FBXO27: variants seen among roughly 807,000 people sequenced by gnomAD.
FBXO27 encodes F-box only protein 27.
Under a neutral mutation model 28.3 loss-of-function variants are expected in FBXO27, and 28 were observed. That is an observed-to-expected ratio of 0.99 (90% CI 0.73 to 1.36). The LOEUF is 1.36. Among genes scored for constraint, FBXO27 ranks in the 40% most tolerant of loss-of-function variants. The probability of loss-of-function intolerance (pLI) is 0.00; values close to 1 mark genes in which losing one functional copy is unlikely to be tolerated. For missense variants in FBXO27, 388 were observed against 394.1 expected, an observed-to-expected ratio of 0.98 and a Z score of 0.13; for synonymous variants, 175 against 167.3, an observed-to-expected ratio of 1.05 and a Z score of -0.36.
chr19:39,029,911 A>T (rs1303544573), intron 4 of FBXO27, among the ~76,000 whole-genome samples: 3 of 151,938 alleles, frequency 2.0e-5, no homozygotes, highest in African/African-American at 7.3e-5. Flanking sequence ...GTGCCATCTC[A>T]GCTCACTGCA....
chr19:39,008,356 G>A lies in FBXO27; in HGVS notation c.252+6031C>T, dbSNP rs1211490940. On this transcript the variant is annotated intron_variant, in intron 2 of 2. Coordinates refer to the FBXO27 transcript ENST00000598394. Reference sequence around the variant, plus strand: ...TGGACTTGAACTCCTGGGCTCAAGCGATCCTTCTGCCTCAGCCTTTTGAGT... The same window carrying A: ...TGGACTTGAACTCCTGGGCTCAAGCAATCCTTCTGCCTCAGCCTTTTGAGT... 5.3e-5 allele frequency among the ~76,000 whole-genome samples: 8 copies of A among 152,058 alleles called. No homozygotes were observed. The East Asian group carries it at 7.8e-4, about 15-fold the overall frequency.
chr19:39,029,006 C>T (rs374750147), intron 4 of FBXO27, among the ~76,000 whole-genome samples: 1 of 145,604 alleles, frequency 6.9e-6, no homozygotes, highest in East Asian at 2.0e-4. Flanking sequence ...CACGCCACTG[C>T]ACTCCAGCCT....
At chr19:39,015,404 G>C (rs2072815265) in intron 1 of FBXO27, among the ~76,000 whole-genome samples, 1 of 151,626 alleles carries the variant, frequency 6.6e-6, no homozygotes, top group Non-Finnish European at 1.5e-5. Context: ...GCCAAGGCGG[G>C]CGGATTGCTT....
intron 4 of FBXO27, chr19:39,030,451 C>T (rs1326801923): frequency 1.3e-5 from 2 of 153,236 alleles, no homozygotes; most frequent in African/African-American, 2.4e-5. Context: ...AGGAGCATCT[C>T]ATTCATTCAC....
At chr19:39,011,761 A>C (rs1600222468) in intron 2 of FBXO27, among the ~76,000 whole-genome samples, 2 of 142,446 alleles carry the variant, frequency 1.4e-5, no homozygotes. Context: ...CAATCCTCCC[A>C]CCTCGCCTCC....
At chr19:39,020,123 G>A (rs2072838475), downstream of FBXO27, among the ~76,000 whole-genome samples, 1 of 152,102 alleles carries the variant, frequency 6.6e-6, no homozygotes, top group South Asian at 2.1e-4. Flanking sequence ...ACATTTATTA[G>A]TAAGGAAGAG....
chr19:39,023,612 CT>C (rs10711556), downstream of FBXO27, among the ~76,000 whole-genome samples: 70,574 of 146,462 alleles, frequency 0.48, 16,716 homozygotes, highest in Middle Eastern at 0.56. Context: ...GACCTATTGT[CT>C]TTTTTTTTTT....
intron 4 of FBXO27, among the ~76,000 whole-genome samples, chr19:39,027,887 C>G (rs1027740003): frequency 6.6e-6 from 1 of 152,072 alleles, no homozygotes; most frequent in Non-Finnish European, 1.5e-5. Flanking sequence ...ATGTCAGAAG[C>G]GAGGATGGTC....
At chr19:39,011,827 C>CT (rs71167612) in intron 2 of FBXO27, among the ~76,000 whole-genome samples, 9,789 of 123,630 alleles carry the variant, frequency 0.079, 462 homozygotes, top group Non-Finnish European at 0.11. Flanking sequence ...ATTTTCTTTT[C>CT]TTTTTTTTTT....
Position 39,032,099 on chromosome 19 carries a change from C to T in FBXO27, c.129G>A (p.Pro43=). The change falls in exon 2 of 6, where the codon CCG becomes CCA. Residue 43 remains proline, a synonymous_variant. Transcript: ENST00000292853. The surrounding 1 kb of genome is among the most constrained non-coding windows in gnomAD (Gnocchi z 4.7). ...LLLVVLSHVP[P]RTLLGRCRQV... ...GGCGGCAGCGCCCGAGCAGCGTGCGCGGGGGGACGTGGCTCAGCACCACCA... is the reference window on the plus strand; with the variant it reads ...GGCGGCAGCGCCCGAGCAGCGTGCGTGGGGGGACGTGGCTCAGCACCACCA... The T allele has an allele frequency of 1.3e-6, 2 of 1,531,018 alleles. No homozygotes were observed. The highest frequency in any genetic ancestry group is 8.7e-7 in the Non-Finnish European group (1 of 1,146,260). The allele number at this position is 1,531,018 out of a possible 1,614,324, so 94.8% of individuals were successfully genotyped here.
At chr19:39,027,051 C>A in intron 4 of FBXO27, 46 bp from the exon 5 acceptor site, 1 of 1,609,626 alleles carries the variant, frequency 6.2e-7, no homozygotes, top group African/African-American at 1.3e-5. Context: ...CACCCCATCT[C>A]TTTGGGTGTC....
At chr19:39,008,906 T>G (rs751657413) in intron 2 of FBXO27, among the ~76,000 whole-genome samples, 8 of 152,178 alleles carry the variant, frequency 5.3e-5, no homozygotes, top group Non-Finnish European at 7.3e-5. Context: ...CCACAACCTC[T>G]GCCTCCCAAG....
intron 2 of FBXO27, among the ~76,000 whole-genome samples, chr19:39,009,565 A>T (rs1013310992): frequency 2.2e-4 from 34 of 152,090 alleles, no homozygotes; most frequent in African/African-American, 7.2e-4. Flanking sequence ...ACGTCTTTTC[A>T]TGTACTTACC....
intron 2 of FBXO27, among the ~76,000 whole-genome samples, chr19:39,013,771 T>C (rs2072806802): frequency 6.6e-6 from 1 of 151,872 alleles, no homozygotes; most frequent in African/African-American, 2.4e-5. Context: ...CCCAGCACTT[T>C]GGGAGGCCAA....
At position 39,031,076 on chromosome 19, in the gene FBXO27, C is replaced by G. The variant is rs984326093; in HGVS notation, c.525G>C (p.Trp175Cys). Residue 175 changes from tryptophan (W) to cysteine (C), a missense_variant, in exon 4 of 6, where the codon TGG becomes TGC. Physicochemically the swap from Trp to Cys is radical, Grantham distance 215. Coordinates refer to ENST00000292853, the MANE Select transcript of FBXO27 (RefSeq NM_178820.5). Reference sequence around the variant, plus strand: ...TCCTGCCACTATCCAGCAGTTCTGGCCACAGACCCTCCTCCTCTAGGTCCA... The same window carrying G: ...TCCTGCCACTATCCAGCAGTTCTGGGCACAGACCCTCCTCCTCTAGGTCCA... ...QVLDLEEEGL[W>C]PELLDSGRIE... is the part of the protein sequence containing the mutation. 6.2e-7 allele frequency: 1 copy of G among 1,614,146 alleles called. No individual in the cohort carries two copies. The highest frequency in any genetic ancestry group is 8.5e-7 in the Non-Finnish European group (1 of 1,180,030).
intron 4 of FBXO27, among the ~76,000 whole-genome samples, chr19:39,029,334 G>C (rs2072889836): frequency 6.6e-6 from 1 of 150,686 alleles, no homozygotes. Flanking sequence ...GGCTGAGGCA[G>C]GAGAATCACT....
At chr19:39,007,005 C>T (rs192012684) in intron 2 of FBXO27, among the ~76,000 whole-genome samples, 159 of 125,356 alleles carry the variant, frequency 1.3e-3, no homozygotes, top group African/African-American at 4.7e-3. Flanking sequence ...GCCAGGAATT[C>T]GAAGCTGCAG....
At chr19:39,022,306 A>C (rs1431424843), downstream of FBXO27, among the ~76,000 whole-genome samples, 1 of 151,122 alleles carries the variant, frequency 6.6e-6, no homozygotes, top group Non-Finnish European at 1.5e-5. Flanking sequence ...CACCCAGCTA[A>C]TTTTTTAAAT....
At position 39,026,946 on chromosome 19, in the gene FBXO27, G is replaced by A. The variant is rs746355794; in HGVS notation, c.632C>T (p.Ala211Val). Residue 211 changes from alanine to valine, a missense_variant, in exon 5 of 6, where the codon GCC becomes GTC. Physicochemically the swap from Ala to Val is moderately conservative, Grantham distance 64. Coordinates refer to ENST00000292853, the MANE Select transcript of FBXO27 (RefSeq NM_178820.5). Reference sequence around the variant, plus strand: ...GAATTTATCTAGAACAGTCTGGTTGGCGTCTAGAAGTTGGACGAGGAGTCT... The same window carrying A: ...GAATTTATCTAGAACAGTCTGGTTGACGTCTAGAAGTTGGACGAGGAGTCT... ...MYRLLVQLLD[A>V]NQTVLDKFSA... 1 of 1,614,220 alleles carries A rather than the reference G, an allele frequency of 6.2e-7. No individual in the cohort carries two copies. The highest frequency in any genetic ancestry group is 8.5e-7 in the Non-Finnish European group (1 of 1,180,052).
Sources: allele counts gnomAD v4.1 joint callset (sites outside exome capture counted in the v4.1 genomes callset), GRCh38; gene constraint gnomAD v4.1.1; non-coding constraint Gnocchi (gnomAD v3.1); transcripts MANE v1.5; gene names NCBI Gene and HGNC (gene_info 2026-07-23, HGNC 2026-07-21).